The following CEP128 variants were observed in gnomAD, a reference collection of about 807,000 sequenced individuals.
The protein encoded by CEP128 is centrosomal protein 128.
CEP128 carries 132 observed loss-of-function variants against 156.7 expected under a neutral mutation model. The observed-to-expected ratio is 0.84, with a 90% CI of 0.73 to 0.97. The LOEUF is 0.97. Ranked by LOEUF, CEP128 falls within the 50% of genes least tolerant of loss-of-function variation. The pLI is 0.00. For synonymous variants in CEP128, 469 were observed against 448.9 expected (o/e 1.04, Z -0.57); for missense variants, 1,252 against 1,281.9 (o/e 0.98, Z 0.36).
At chr14:80,508,185 G>A (rs1888073878) in intron 23 of CEP128, among the ~76,000 whole-genome samples, 3 of 152,258 alleles carry the variant, frequency 2.0e-5, no homozygotes, top group Non-Finnish European at 4.4e-5. Context: ...CAAAGTGCTG[G>A]GATTACAGGC....
At position 80,895,803 on chromosome 14, in the gene CEP128, A is replaced by AAAAC. The variant is rs777172327; in HGVS notation, c.573-14_573-13insGTTT. The AAAAC allele has an allele frequency of 1.2e-4, 179 of 1,493,896 alleles. No homozygotes were observed. In the African/African-American group the frequency reaches 2.3e-3, roughly 19 times the overall value. 92.5% of individuals were successfully genotyped at this position (1,493,896 alleles called of 1,614,324 possible). A position where few individuals can be genotyped will look rare whatever the true frequency, so the allele number is the denominator to read the frequency against. On this transcript the variant is annotated splice_polypyrimidine_tract_variant and intron_variant, in intron 7 of 24. Coordinates refer to ENST00000555265, the MANE Select transcript of CEP128 (RefSeq NM_152446.5). ...TTCGGCATCTGACCTAGGAAGAAAAAAAAAAAAAAGATTTAAATTTGGATA... is the reference window on the plus strand; with the variant it reads ...TTCGGCATCTGACCTAGGAAGAAAAAAAACAAAAAAAAAGATTTAAATTTGGATA...
At chr14:80,799,038 A>G (rs1426575563) in intron 13 of CEP128, among the ~76,000 whole-genome samples, 1 of 152,242 alleles carries the variant, frequency 6.6e-6, no homozygotes, top group Non-Finnish European at 1.5e-5. Context: ...GCCAGACTGT[A>G]ATGACTCAAA....
intron 19 of CEP128, among the ~76,000 whole-genome samples, chr14:80,646,431 C>A (rs921945818): frequency 4.7e-5 from 7 of 150,234 alleles, no homozygotes; most frequent in Non-Finnish European, 8.9e-5. Context: ...AAGCTATAAA[C>A]AAAAGCATGG....
intron 16 of CEP128, among the ~76,000 whole-genome samples, chr14:80,774,115 T>C: frequency 6.6e-6 from 1 of 152,208 alleles, no homozygotes; most frequent in Non-Finnish European, 1.5e-5. Flanking sequence ...CTAAAGTCAG[T>C]TATTCTGTGG....
At chr14:80,793,175 A>C in intron 13 of CEP128, 65 bp from the exon 14 acceptor site, 1 of 1,216,998 alleles carries the variant, frequency 8.2e-7, no homozygotes, top group Non-Finnish European at 1.2e-6. Context: ...GTAGCATATC[A>C]TCAAACAAGA....
At chr14:80,785,603 C>T (rs1227663387) in intron 14 of CEP128, 58 bp from the exon 15 acceptor site, 3 of 1,253,692 alleles carry the variant, frequency 2.4e-6, no homozygotes, top group Non-Finnish European at 3.3e-6. Context: ...TAAAATTCAC[C>T]ATAGACTCTG....
At chr14:80,869,786 G>A (rs1479569774) in intron 8 of CEP128, among the ~76,000 whole-genome samples, 1 of 151,856 alleles carries the variant, frequency 6.6e-6, no homozygotes, top group African/African-American at 2.4e-5. Context: ...CTAGTACCCA[G>A]GAGTTATTTT....
At chr14:80,608,882 C>T (rs1322662482) in intron 19 of CEP128, among the ~76,000 whole-genome samples, 1 of 152,144 alleles carries the variant, frequency 6.6e-6, no homozygotes, top group Non-Finnish European at 1.5e-5. Flanking sequence ...TTTACCTGAT[C>T]TCCCTCCCCT....
intron 17 of CEP128, among the ~76,000 whole-genome samples, chr14:80,759,092 G>T (rs327442): frequency 0.41 from 61,990 of 152,024 alleles, 13,037 homozygotes; most frequent in African/African-American, 0.49. Flanking sequence ...TCAAAAACTG[G>T]CCTGTGAGAA....
intron 23 of CEP128, among the ~76,000 whole-genome samples, chr14:80,519,326 T>G (rs1451032990): frequency 1.3e-5 from 2 of 152,238 alleles, no homozygotes; most frequent in Admixed American, 1.3e-4. Flanking sequence ...TGACTAAATG[T>G]CTTTGCTAAG....
intron 7 of CEP128, among the ~76,000 whole-genome samples, chr14:80,899,004 C>T (rs1281552157): frequency 6.6e-6 from 1 of 152,102 alleles, no homozygotes; most frequent in Non-Finnish European, 1.5e-5. Context: ...GTGCCCATTT[C>T]CTCATCCATA....
At chr14:80,692,965 C>A (rs1325659901) in intron 19 of CEP128, among the ~76,000 whole-genome samples, 1 of 152,148 alleles carries the variant, frequency 6.6e-6, no homozygotes, top group Non-Finnish European at 1.5e-5. Context: ...CATTTAATTC[C>A]ACTTAGAAAT....
At position 80,841,937 on chromosome 14, in the gene CEP128, G is replaced by T. The variant is rs192587630; in HGVS notation, c.763-1169C>A. On this transcript the variant is annotated intron_variant, in intron 9 of 24. Transcript: ENST00000555265. ...ATTGGTAATAATAGCCTGGGTAACA[G>T]AGTGAGACCCTCAAAAAAATTAAAT... 1.1e-4 allele frequency among the ~76,000 whole-genome samples: 16 copies of T among 152,068 alleles called. 1 individual carries two copies. In the East Asian group the frequency reaches 3.1e-3, roughly 29 times the overall value.
At chr14:80,632,039 G>C (rs1273892888) in intron 19 of CEP128, among the ~76,000 whole-genome samples, 1 of 151,978 alleles carries the variant, frequency 6.6e-6, no homozygotes, top group Non-Finnish European at 1.5e-5. Flanking sequence ...TCTGTACTCT[G>C]AATTCTTACC....
intron 23 of CEP128, among the ~76,000 whole-genome samples, chr14:80,525,617 T>C (rs1184510314): frequency 6.6e-6 from 1 of 152,168 alleles, no homozygotes; most frequent in African/African-American, 2.4e-5. Flanking sequence ...GAAGATGATT[T>C]AGGGAACTTA....
At chr14:80,580,458 A>G in intron 19 of CEP128, 35 bp from the exon 20 acceptor site, 1 of 1,407,544 alleles carries the variant, frequency 7.1e-7, no homozygotes, top group Non-Finnish European at 1.0e-6. Context: ...ATCAAAATAC[A>G]ATGTAAAAAC....
chr14:80,925,781 G>A (rs1211628790), intron 2 of CEP128, among the ~76,000 whole-genome samples: 1 of 152,106 alleles, frequency 6.6e-6, no homozygotes, highest in African/African-American at 2.4e-5. Context: ...TAGTCTACAT[G>A]ATAAACCAGG....
intron 19 of CEP128, among the ~76,000 whole-genome samples, chr14:80,604,084 T>A (rs1277472486): frequency 6.6e-6 from 1 of 152,172 alleles, no homozygotes; most frequent in Non-Finnish European, 1.5e-5. Context: ...TTCTAAAACA[T>A]CTCCTGAAAT....
At chr14:80,583,169 A>G (rs2140454774) in intron 19 of CEP128, among the ~76,000 whole-genome samples, 1 of 152,224 alleles carries the variant, frequency 6.6e-6, no homozygotes, top group Admixed American at 6.5e-5. Flanking sequence ...TACGGGTCAT[A>G]CTACTCTTCC....
Sources: allele counts gnomAD v4.1 joint callset (sites outside exome capture counted in the v4.1 genomes callset), GRCh38; gene constraint gnomAD v4.1.1; transcripts MANE v1.5; gene names NCBI Gene and HGNC (gene_info 2026-07-23, HGNC 2026-07-21).